The following MMP26 variants were observed in gnomAD, a reference collection of about 807,000 sequenced individuals.
The protein encoded by MMP26 is matrix metalloproteinase-26.
Under a neutral mutation model 31.0 loss-of-function variants are expected in MMP26, and 33 were observed. The observed-to-expected ratio is 1.06, with a 90% confidence interval of 0.81 to 1.42. The LOEUF (loss-of-function observed/expected upper bound fraction) is 1.42. MMP26 is among the 40% of genes most tolerant of loss of function. The probability of loss-of-function intolerance (pLI) is 0.00; values close to 1 mark genes in which losing one functional copy is unlikely to be tolerated. For missense variants in MMP26, 347 were observed against 316.1 expected (o/e 1.10, Z -0.74); for synonymous variants, 122 against 114.9 (o/e 1.06, Z -0.40).
intron 2 of MMP26, among the ~76,000 whole-genome samples, chr11:4,841,308 AG>A (rs1849792393): frequency 6.6e-6 from 1 of 152,168 alleles, no homozygotes; most frequent in South Asian, 2.1e-4. Context: ...TTAATATAAA[AG>A]TACAAGAAGG....
intron 2 of MMP26, chr11:4,859,680 G>A (rs1256377540): frequency 2.3e-5 from 11 of 470,552 alleles, no homozygotes; most frequent in Non-Finnish European, 3.1e-5. Flanking sequence ...TCTTCACACT[G>A]TAGACAATGG....
intron 2 of MMP26, among the ~76,000 whole-genome samples, chr11:4,819,391 C>T (rs1190304847): frequency 6.6e-6 from 1 of 151,172 alleles, no homozygotes; most frequent in African/African-American, 2.4e-5. Flanking sequence ...ATAAGGTACC[C>T]GGGAGAGGGG....
intron 2 of MMP26, among the ~76,000 whole-genome samples, chr11:4,820,927 A>G (rs1390252990): frequency 1.3e-5 from 2 of 152,124 alleles, no homozygotes; most frequent in Non-Finnish European, 2.9e-5. Flanking sequence ...TACCACATAT[A>G]TGGGCCTGTG....
At chr11:4,751,717 T>C (rs1281260095) in intron 1 of MMP26, among the ~76,000 whole-genome samples, 1 of 152,162 alleles carries the variant, frequency 6.6e-6, no homozygotes, top group East Asian at 1.9e-4. Flanking sequence ...TGTTTCTTTT[T>C]AAAATGTTCT....
At chr11:4,950,323 A>G (rs1276599740) in intron 2 of MMP26, among the ~76,000 whole-genome samples, 2 of 122,062 alleles carry the variant, frequency 1.6e-5, no homozygotes, top group Non-Finnish European at 3.7e-5. Flanking sequence ...AAATAATATC[A>G]TCATATGGAA....
At chr11:4,787,045 G>C (rs1022967592) in intron 2 of MMP26, 1 of 152,876 alleles carries the variant, frequency 6.5e-6, no homozygotes, top group African/African-American at 2.4e-5. Context: ...CATCCTCAAT[G>C]CATGTATCAT....
intron 2 of MMP26, chr11:4,822,260 A>G (rs753977913): frequency 2.6e-6 from 4 of 1,567,338 alleles, no homozygotes; most frequent in East Asian, 2.3e-5. Context: ...ATCATGGCCA[A>G]TGTCTTTCTG....
chr11:4,982,308 G>T (rs1846825404), intron 2 of MMP26, among the ~76,000 whole-genome samples: 1 of 152,068 alleles, frequency 6.6e-6, no homozygotes, highest in Non-Finnish European at 1.5e-5. Flanking sequence ...TATCAGAAAT[G>T]CAATGTGTTA....
rs141521258 is a variant in MMP26, at chr11:4,984,164, C to T, written c.-144-3904C>T. On this transcript the variant is annotated intron_variant, in intron 2 of 7. Coordinates refer to ENST00000380390, the MANE Select transcript of MMP26 (RefSeq NM_021801.5). Reference sequence around the variant, plus strand: ...GAGAGGTGCGTGTCAAGATGAAAGACGGGGCAGTCTCATCAAAAGTGGCAA... The same window carrying T: ...GAGAGGTGCGTGTCAAGATGAAAGATGGGGCAGTCTCATCAAAAGTGGCAA... 7.6e-4 allele frequency among the ~76,000 whole-genome samples: 115 copies of T among 152,196 alleles called. No individual in the cohort carries two copies. The East Asian group carries it at 0.018, about 24-fold the overall frequency.
Position 4,889,248 on chromosome 11 carries a change from C to T in MMP26, c.-144-98820C>T, listed in dbSNP as rs182195406. On this transcript the variant is annotated intron_variant, in intron 2 of 7. Coordinates refer to ENST00000380390, the MANE Select transcript of MMP26 (RefSeq NM_021801.5). Reference sequence around the variant, plus strand: ...TGAGGACCTTCAATCTCATATAAAACGGCATAGTATATGCATCTTACCTAC... The same window carrying T: ...TGAGGACCTTCAATCTCATATAAAATGGCATAGTATATGCATCTTACCTAC... Among the ~76,000 whole-genome samples, 26 of 152,136 alleles carry T rather than the reference C, an allele frequency of 1.7e-4. No homozygotes were observed. The East Asian group carries it at 3.1e-3, about 18-fold the overall frequency.
chr11:4,735,135 C>G (rs1374728788), intron 1 of MMP26, among the ~76,000 whole-genome samples: 1 of 152,198 alleles, frequency 6.6e-6, no homozygotes, highest in Non-Finnish European at 1.5e-5. Flanking sequence ...GTGGAGCTAT[C>G]AGCTATCAGT....
chr11:4,874,540 C>A (rs1304757518), intron 2 of MMP26, among the ~76,000 whole-genome samples: 3 of 147,860 alleles, frequency 2.0e-5, no homozygotes, highest in Non-Finnish European at 4.5e-5. Context: ...CAGAACTTTG[C>A]TTGTATATGT....
intron 2 of MMP26, chr11:4,821,319 C>A: frequency 8.0e-7 from 1 of 1,253,776 alleles, no homozygotes. Context: ...GAAATAATAA[C>A]TCAGTGAATC....
chr11:4,974,228 T>C (rs1846705508), intron 2 of MMP26, among the ~76,000 whole-genome samples: 1 of 152,066 alleles, frequency 6.6e-6, no homozygotes, highest in Non-Finnish European at 1.5e-5. Context: ...CTTTTGCTTT[T>C]TAATATAACG....
intron 2 of MMP26, among the ~76,000 whole-genome samples, chr11:4,878,650 CTT>C (rs1850417478): frequency 1.3e-5 from 2 of 152,096 alleles, no homozygotes. Context: ...TATGGTGACA[CTT>C]AATATATATT....
chr11:4,864,692 CT>C (rs1374349593), intron 2 of MMP26, among the ~76,000 whole-genome samples: 1 of 151,956 alleles, frequency 6.6e-6, no homozygotes, highest in African/African-American at 2.4e-5. Flanking sequence ...GGGGATAGAA[CT>C]AAAAACACAC....
intron 1 of MMP26, among the ~76,000 whole-genome samples, chr11:4,750,768 A>G (rs1326166867): frequency 4.6e-5 from 7 of 151,914 alleles, no homozygotes; most frequent in Non-Finnish European, 8.8e-5. Flanking sequence ...GGTAACTGGG[A>G]AGGGTAGGAG....
intron 2 of MMP26, among the ~76,000 whole-genome samples, chr11:4,901,298 T>C (rs909594019): frequency 1.3e-5 from 2 of 151,936 alleles, no homozygotes; most frequent in Non-Finnish European, 2.9e-5. Flanking sequence ...TAGCTGAGAC[T>C]ACAGGTGCCT....
At chr11:4,775,166 T>C (rs1013264918) in intron 2 of MMP26, among the ~76,000 whole-genome samples, 1 of 152,208 alleles carries the variant, frequency 6.6e-6, no homozygotes, top group African/African-American at 2.4e-5. Context: ...CTGTGAAGAA[T>C]GTCAGTGGTA....
Sources: gnomAD v4.1 joint callset for allele counts (sites outside exome capture counted in the v4.1 genomes callset) on GRCh38, gnomAD v4.1.1 for gene constraint, MANE v1.5 for transcripts, NCBI Gene and HGNC (gene_info 2026-07-23, HGNC 2026-07-21) for gene names.